ADAMTS2: variants seen among roughly 807,000 people sequenced by gnomAD.
ADAMTS2 encodes the protein A disintegrin and metalloproteinase with thrombospondin motifs 2.
Under a neutral mutation model 123.0 loss-of-function variants are expected in ADAMTS2, and 50 were observed. That is an observed-to-expected ratio of 0.41 (90% CI 0.32 to 0.51). ADAMTS2 has a LOEUF of 0.51. Among genes scored for constraint, ADAMTS2 ranks in the 20% least tolerant of loss-of-function variants. ADAMTS2 has a pLI of 0.35. For synonymous variants in ADAMTS2, 678 were observed against 695.4 expected (o/e 0.98, Z 0.39); for missense variants, 1,494 against 1,705.2 (o/e 0.88, Z 2.18).
intron 3 of ADAMTS2, among the ~76,000 whole-genome samples, chr5:179,264,733 C>A (rs1488986508): frequency 2.6e-5 from 4 of 152,176 alleles, no homozygotes; most frequent in Non-Finnish European, 5.9e-5. Context: ...ACTGGGCAGG[C>A]GCCCTGTGCC....
Position 179,313,006 on chromosome 5 carries a change from G to A in ADAMTS2, c.534+30761C>T, listed in dbSNP as rs116407075. 7.0e-3 allele frequency among the ~76,000 whole-genome samples: 1,066 copies of A among 152,346 alleles called. 10 individuals carry two copies. The highest frequency in any genetic ancestry group is 0.024 in the African/African-American group (995 of 41,572). ...AAGAATGGGGCTGGGAGGGGCAGCA[G>A]TGTTGTCAGTGAGCTAAACCCTCCT... On this transcript the variant is annotated intron_variant, in intron 2 of 21. Coordinates refer to ENST00000251582, the MANE Select transcript of ADAMTS2 (RefSeq NM_014244.5).
chr5:179,155,071 C>G lies in ADAMTS2; in HGVS notation c.1133-152G>C, dbSNP rs1763442885. ...CCCGGCTGGCACAGCTCAGAAGACACCACAGCAGACAGCTCATAGCCTGTG... is the reference window on the plus strand; with the variant it reads ...CCCGGCTGGCACAGCTCAGAAGACAGCACAGCAGACAGCTCATAGCCTGTG... On this transcript the variant is annotated intron_variant, in intron 6 of 21. Coordinates refer to ENST00000251582, the MANE Select transcript of ADAMTS2 (RefSeq NM_014244.5). This position sits in a 1 kb window ranked among gnomAD's most constrained non-coding sequence, Gnocchi z 5.1. The G allele has an allele frequency of 1.4e-6, 1 of 718,998 alleles. No homozygotes were observed. The highest frequency in any genetic ancestry group is 1.7e-5 in the African/African-American group (1 of 57,198). 44.5% of individuals were successfully genotyped at this position (718,998 alleles called of 1,614,324 possible).
intron 10 of ADAMTS2, among the ~76,000 whole-genome samples, chr5:179,147,116 TCTCA>T: frequency 6.6e-6 from 1 of 152,316 alleles, no homozygotes; most frequent in African/African-American, 2.4e-5. Flanking sequence ...TGAGATGGAG[TCTCA>T]CTCTGTCGTC....
intron 2 of ADAMTS2, among the ~76,000 whole-genome samples, chr5:179,315,924 C>T (rs781265740): frequency 2.0e-5 from 3 of 152,072 alleles, no homozygotes; most frequent in Non-Finnish European, 4.4e-5. Context: ...AGAAGAGAGT[C>T]GGGGAGGTGA....
In ADAMTS2 at chr5:179,124,959, G is replaced by C; in HGVS notation, c.2958+14C>G. The C allele has an allele frequency of 2.7e-6, 4 of 1,501,036 alleles. No individual in the cohort carries two copies. The highest frequency in any genetic ancestry group is 5.3e-5 in the East Asian group (2 of 37,594). The allele number at this position is 1,501,036 out of a possible 1,614,324, so 93.0% of individuals were successfully genotyped here. On this transcript the variant is annotated intron_variant, in intron 19 of 21. Transcript: ENST00000251582. ...GTTTTGGAGCTGAGGACACGGGATC[G>C]GGGGATTGCGTACCTGGGACCAGGG...
At chr5:179,322,612 G>A (rs1725196990) in intron 2 of ADAMTS2, among the ~76,000 whole-genome samples, 1 of 152,238 alleles carries the variant, frequency 6.6e-6, no homozygotes, top group Non-Finnish European at 1.5e-5. Context: ...GCCAGCCACA[G>A]AGTCAGGGAA....
At chr5:179,301,828 G>T (rs1232994662) in intron 2 of ADAMTS2, among the ~76,000 whole-genome samples, 2 of 152,268 alleles carry the variant, frequency 1.3e-5, no homozygotes, top group Admixed American at 1.3e-4. Flanking sequence ...CTCTCATCCA[G>T]CGTGTGAAGA....
At position 179,155,001 on chromosome 5, in the gene ADAMTS2, C is replaced by T; in HGVS notation, c.1133-82G>A. The T allele has an allele frequency of 7.7e-7, 1 of 1,295,326 alleles. No homozygotes were observed. The highest frequency in any genetic ancestry group is 1.1e-6 in the Non-Finnish European group (1 of 914,194). 80.2% of individuals were successfully genotyped at this position (1,295,326 alleles called of 1,614,324 possible). ...GGCCTGGCCTAACTCCCAGGCGCTGCTTCTCCTCAAGGCCCCAATGCCCTC... is the reference window on the plus strand; with the variant it reads ...GGCCTGGCCTAACTCCCAGGCGCTGTTTCTCCTCAAGGCCCCAATGCCCTC... On this transcript the variant is annotated intron_variant, in intron 6 of 21. Coordinates refer to ENST00000251582, the MANE Select transcript of ADAMTS2 (RefSeq NM_014244.5). This position sits in a 1 kb window ranked among gnomAD's most constrained non-coding sequence, Gnocchi z 5.1.
At chr5:179,227,547 G>A (rs1765317301) in intron 3 of ADAMTS2, among the ~76,000 whole-genome samples, 1 of 152,160 alleles carries the variant, frequency 6.6e-6, no homozygotes, top group Non-Finnish European at 1.5e-5. Flanking sequence ...GGGGCCCTTT[G>A]AGTGATGATG....
chr5:179,328,974 C>T (rs1757386658), intron 2 of ADAMTS2, among the ~76,000 whole-genome samples: 1 of 152,126 alleles, frequency 6.6e-6, no homozygotes, highest in South Asian at 2.1e-4. Flanking sequence ...CTTGCCCTAT[C>T]AGATGTCAGA....
chr5:179,259,104 A>AGCCCACAGAAGCCATC (rs1229678304), intron 3 of ADAMTS2, among the ~76,000 whole-genome samples: 1 of 152,072 alleles, frequency 6.6e-6, no homozygotes, highest in Non-Finnish European at 1.5e-5. Context: ...TCCACGACGG[A>AGCCCACAGAAGCCATC]GCCCACAGAA....
chr5:179,179,322 A>C, intron 5 of ADAMTS2, among the ~76,000 whole-genome samples: 2 of 149,236 alleles, frequency 1.3e-5, no homozygotes, highest in African/African-American at 2.5e-5. Context: ...TGCTGCCCCC[A>C]CCCCTACTTT....
intron 2 of ADAMTS2, among the ~76,000 whole-genome samples, chr5:179,320,559 C>T (rs1321052784): frequency 6.6e-6 from 1 of 150,708 alleles, no homozygotes; most frequent in East Asian, 1.9e-4. Context: ...ACCTTGTGAT[C>T]CGTCCACCTC....
At chr5:179,138,619 G>C (rs1163004244) in intron 11 of ADAMTS2, among the ~76,000 whole-genome samples, 1 of 152,254 alleles carries the variant, frequency 6.6e-6, no homozygotes, top group Non-Finnish European at 1.5e-5. Flanking sequence ...AGGGGTGCTT[G>C]AGGAGGGGCC....
chr5:179,280,744 T>G (rs2113528221), intron 2 of ADAMTS2, among the ~76,000 whole-genome samples: 1 of 152,298 alleles, frequency 6.6e-6, no homozygotes, highest in East Asian at 1.9e-4. Flanking sequence ...GGTCAGTAAG[T>G]AGCAGAGAGC....
intron 10 of ADAMTS2, among the ~76,000 whole-genome samples, chr5:179,148,871 C>T (rs1763300727): frequency 6.6e-6 from 1 of 152,174 alleles, no homozygotes. Flanking sequence ...GGCAGGTGGT[C>T]AAGGGCTCCT....
chr5:179,210,569 G>A (rs1764825487), intron 3 of ADAMTS2, among the ~76,000 whole-genome samples: 1 of 152,244 alleles, frequency 6.6e-6, no homozygotes, highest in Non-Finnish European at 1.5e-5. Flanking sequence ...ACGGCCCAAG[G>A]CCCAAAGGCA....
At chr5:179,214,433 C>T (rs1036237045) in intron 3 of ADAMTS2, among the ~76,000 whole-genome samples, 1 of 152,128 alleles carries the variant, frequency 6.6e-6, no homozygotes, top group Middle Eastern at 3.2e-3. Context: ...CCTGAAGAAA[C>T]CAATAACCTC....
rs759027654 is a variant in ADAMTS2 at position 179,132,354 on chromosome 5, C to T, written c.2210-44G>A. ...GACACAGAAAACTGAGAAGGGAAGGCGCCGCTCAAATTCGCACCATGCAAG... is the reference window on the plus strand; with the variant it reads ...GACACAGAAAACTGAGAAGGGAAGGTGCCGCTCAAATTCGCACCATGCAAG... On this transcript the variant is annotated intron_variant, in intron 14 of 21. Transcript: ENST00000251582. This position sits in a 1 kb window ranked among gnomAD's most constrained non-coding sequence, Gnocchi z 6.1. 26 of 1,590,888 alleles carry T rather than the reference C, an allele frequency of 1.6e-5. No individual in the cohort carries two copies. The highest frequency in any genetic ancestry group is 7.8e-5 in the South Asian group (7 of 90,274).
Sources: gnomAD v4.1 joint callset for allele counts (sites outside exome capture counted in the v4.1 genomes callset) on GRCh38, gnomAD v4.1.1 for gene constraint, Gnocchi (gnomAD v3.1) non-coding constraint, MANE v1.5 for transcripts, NCBI Gene and HGNC (gene_info 2026-07-23, HGNC 2026-07-21) for gene names.